The following ARVCF variants were observed in gnomAD, a reference collection of about 807,000 sequenced individuals.
ARVCF encodes the protein ARVCF delta catenin family member, also known as splicing regulator ARVCF.
A neutral mutation model predicts 90.9 loss-of-function variants in ARVCF; 66 were observed. That is an observed-to-expected ratio of 0.73 (90% CI 0.60 to 0.89). ARVCF has a LOEUF of 0.89. ARVCF is among the 40% of genes least tolerant of loss of function. The probability of loss-of-function intolerance (pLI) is 0.00; values close to 1 mark genes in which losing one functional copy is unlikely to be tolerated. For missense variants in ARVCF, 1,469 were observed against 1,382.3 expected, an observed-to-expected ratio of 1.06 and a Z score of -1.00; for synonymous variants, 653 against 603.4, an observed-to-expected ratio of 1.08 and a Z score of -1.21.
chr22:19,973,186 G>C lies in ARVCF; in HGVS notation c.2371C>G (p.Leu791Val), dbSNP rs747851576. ...TGCAGGAGCGAGCGCGCGTTATCCAGGCTGTCGGACACGATTTCGTGGATG... is the reference window on the plus strand; with the variant it reads ...TGCAGGAGCGAGCGCGCGTTATCCACGCTGTCGGACACGATTTCGTGGATG... ...NTIHEIVSDS[L>V]DNARSLLQAR... The change falls in exon 14 of 20, where the codon CTG (leucine) becomes GTG (valine). Residue 791 changes from leucine to valine, a missense_variant. Coordinates refer to ENST00000263207, the MANE Select transcript of ARVCF (RefSeq NM_001670.3). 6.2e-7 allele frequency: 1 copy of C among 1,611,040 alleles called. No homozygotes were observed. The highest frequency in any genetic ancestry group is 1.3e-5 in the African/African-American group (1 of 74,986).
Position 19,989,517 on chromosome 22 carries a change from C to T in ARVCF, c.210+1068G>A, listed in dbSNP as rs142940183. Among the ~76,000 whole-genome samples, 633 of 152,294 alleles carry T rather than the reference C, an allele frequency of 4.2e-3. 4 individuals carry two copies. The highest frequency in any genetic ancestry group is 0.01 in the South Asian group (50 of 4,826). On this transcript the variant is annotated intron_variant, in intron 3 of 19. Coordinates refer to ENST00000263207, the MANE Select transcript of ARVCF (RefSeq NM_001670.3). ...AGGAGAGCCCATGGGGCTGCCTCAACAGAGACCAGCGTTTGCTCCCTTTCT... is the reference window on the plus strand; with the variant it reads ...AGGAGAGCCCATGGGGCTGCCTCAATAGAGACCAGCGTTTGCTCCCTTTCT...
At chr22:20,011,815 G>C in intron 1 of ARVCF, among the ~76,000 whole-genome samples, 1 of 152,248 alleles carries the variant, frequency 6.6e-6, no homozygotes, top group South Asian at 2.1e-4. Flanking sequence ...TCTGGTTTTA[G>C]CTTAAGTGTT....
chr22:19,983,249 T>G (rs576875393), intron 3 of ARVCF, among the ~76,000 whole-genome samples: 1 of 152,230 alleles, frequency 6.6e-6, no homozygotes, highest in Non-Finnish European at 1.5e-5. Context: ...AGGTCCTGCT[T>G]TGTGGCCCAG....
chr22:19,977,617 G>A, intron 8 of ARVCF, 31 bp from the exon 9 acceptor site: 1 of 1,497,770 alleles, frequency 6.7e-7, no homozygotes, highest in Admixed American at 2.3e-5. Flanking sequence ...GTGGGGCAGG[G>A]CACCCTAGGC....
chr22:19,994,812 T>C (rs1004933728), intron 2 of ARVCF, among the ~76,000 whole-genome samples: 1 of 143,760 alleles, frequency 7.0e-6, no homozygotes, highest in African/African-American at 2.6e-5. Flanking sequence ...TATAGATGAA[T>C]GGATGGATGG....
chr22:19,985,695 C>G (rs1424197987), intron 3 of ARVCF, among the ~76,000 whole-genome samples: 1 of 148,300 alleles, frequency 6.7e-6, no homozygotes, highest in Non-Finnish European at 1.5e-5. Flanking sequence ...CTTATCTACC[C>G]AAACCACCGG....
downstream of ARVCF, chr22:19,969,842 C>T: frequency 1.0e-6 from 1 of 985,488 alleles, no homozygotes; most frequent in Non-Finnish European, 1.2e-6. Context: ...AGAGGCCCGA[C>T]ACAAGGGAGA....
chr22:19,973,662 C>T lies in ARVCF; in HGVS notation c.2220G>A (p.Arg740=), dbSNP rs989042991. ...AIALRNLSLD[R]RNKDLIGSYA... is the part of the protein sequence containing the mutation. ...CCTCACCGATGAGGTCTTTGTTGCG[C>T]CGGTCCAGCGAGAGGTTGCGCAGAG... The change falls in exon 13 of 20, where the codon CGG becomes CGA. Residue 740 remains arginine (R), a synonymous_variant. Coordinates refer to ENST00000263207, the MANE Select transcript of ARVCF (RefSeq NM_001670.3). 1 of 1,609,480 alleles carries T rather than the reference C, an allele frequency of 6.2e-7. No homozygotes were observed. Among genetic ancestry groups the T allele is most frequent in the Non-Finnish European group, 8.5e-7 (1 of 1,178,898 alleles).
At chr22:20,014,631 T>C (rs979133830) in intron 1 of ARVCF, among the ~76,000 whole-genome samples, 1 of 152,186 alleles carries the variant, frequency 6.6e-6, no homozygotes, top group Non-Finnish European at 1.5e-5. Flanking sequence ...CCACCCTCCA[T>C]TCCTGGCCCT....
chr22:19,999,811 G>T (rs1407512221), intron 2 of ARVCF, among the ~76,000 whole-genome samples: 1 of 152,122 alleles, frequency 6.6e-6, no homozygotes, highest in Non-Finnish European at 1.5e-5. Flanking sequence ...GAAGAAAGGG[G>T]TTCAGGCTGG....
chr22:19,986,479 G>A (rs1225844489), intron 3 of ARVCF, among the ~76,000 whole-genome samples: 2 of 152,182 alleles, frequency 1.3e-5, no homozygotes, highest in Non-Finnish European at 2.9e-5. Flanking sequence ...ATCTCCTCCA[G>A]CATCCATTAG....
chr22:20,006,399 A>C (rs967259705), intron 2 of ARVCF, among the ~76,000 whole-genome samples: 3 of 151,822 alleles, frequency 2.0e-5, no homozygotes, highest in Non-Finnish European at 4.4e-5. Context: ...AACATGGTGA[A>C]ACCCCGTCTC....
intron 2 of ARVCF, among the ~76,000 whole-genome samples, chr22:20,006,866 G>A (rs899967885): frequency 2.6e-5 from 4 of 151,706 alleles, no homozygotes; most frequent in South Asian, 2.1e-4. Context: ...TCTTGACCTC[G>A]TGATCTGCCT....
At chr22:19,983,370 G>A (rs940113796) in intron 3 of ARVCF, among the ~76,000 whole-genome samples, 52 of 152,248 alleles carry the variant, frequency 3.4e-4, no homozygotes, top group African/African-American at 1.1e-3. Flanking sequence ...GGGCCTGGGA[G>A]GTGAGCCAGG....
intron 1 of ARVCF, among the ~76,000 whole-genome samples, chr22:20,015,892 A>G (rs1345057642): frequency 1.3e-5 from 2 of 152,254 alleles, no homozygotes; most frequent in African/African-American, 4.8e-5. Flanking sequence ...AGCAGCCAAT[A>G]TTTAATTATT....
intron 11 of ARVCF, among the ~76,000 whole-genome samples, chr22:19,974,977 C>T (rs1049198756): frequency 2.6e-5 from 4 of 152,206 alleles, no homozygotes; most frequent in Non-Finnish European, 5.9e-5. Context: ...CTCGATCTCC[C>T]CTGTACCCAC....
At chr22:20,004,919 C>T (rs1032727747) in intron 2 of ARVCF, among the ~76,000 whole-genome samples, 2 of 152,122 alleles carry the variant, frequency 1.3e-5, no homozygotes, top group African/African-American at 4.8e-5. Flanking sequence ...AAACATAAGA[C>T]CTCAAACTAT....
intron 5 of ARVCF, chr22:19,980,483 C>G: frequency 2.0e-6 from 1 of 505,314 alleles, no homozygotes; most frequent in Non-Finnish European, 3.2e-6. Flanking sequence ...GGCAACCCTC[C>G]CAGGACAGCA....
At chr22:20,005,737 A>G (rs1047833283) in intron 2 of ARVCF, among the ~76,000 whole-genome samples, 1 of 151,764 alleles carries the variant, frequency 6.6e-6, no homozygotes, top group Admixed American at 6.6e-5. Context: ...CGGAGCTTGC[A>G]GTGAGCCAAG....
Sources: allele counts gnomAD v4.1 joint callset (sites outside exome capture counted in the v4.1 genomes callset), GRCh38; gene constraint gnomAD v4.1.1; transcripts MANE v1.5; gene names NCBI Gene and HGNC (gene_info 2026-07-23, HGNC 2026-07-21).